Variants in CIT observed in about 807,000 individuals in gnomAD.
The protein encoded by CIT is citron rho-interacting serine/threonine kinase.
In CIT, 79 loss-of-function variants were observed where a neutral mutation model predicts 272.7. That is an observed-to-expected ratio of 0.29 (90% CI 0.24 to 0.35). The LOEUF (loss-of-function observed/expected upper bound fraction) is 0.35. CIT is among the 10% of genes least tolerant of loss of function. CIT has a pLI of 1.00. For synonymous variants in CIT, 948 were observed against 995.6 expected (o/e 0.95, Z 0.90); for missense variants, 1,909 against 2,618.3 (o/e 0.73, Z 5.91).
Position 119,713,601 on chromosome 12 carries a change from T to G in CIT, c.4354A>C (p.Thr1452Pro), listed in dbSNP as rs1593442207. 2 of 1,614,222 alleles carry G rather than the reference T, an allele frequency of 1.2e-6. No homozygotes were observed. The highest frequency in any genetic ancestry group is 2.7e-5 in the African/African-American group (2 of 75,050). The change falls in exon 34 of 48, where the codon ACC becomes CCC. Residue 1452 changes from threonine to proline, a missense_variant. Physicochemically the swap from Thr to Pro is conservative, Grantham distance 38 (BLOSUM62 -1). Around this residue, in one of 8 missense-constraint regions of CIT, gnomAD observed 780 missense variants for 1,067.2 expected, o/e 0.73. Transcript: ENST00000392521. This position sits in a 1 kb window ranked among gnomAD's most constrained non-coding sequence, Gnocchi z 5.2. ...HPKCSTCLPA[T>P]CGLPAEYATH... ...GCATATTCAGCAGGCAAGCCGCAGG[T>G]GGCTGGCAAGCACGTGGAGCACTTG...
rs1326687359 is a variant in CIT, at chr12:119,714,267, G to A, written c.4236C>T (p.Asn1412=). The A allele has an allele frequency of 6.2e-7, 1 of 1,614,140 alleles. No homozygotes were observed. Among genetic ancestry groups the A allele is most frequent in the South Asian group, 1.1e-5 (1 of 91,080 alleles). The part of the protein sequence containing the change: ...NIPHRFNVGL[N]MRATKCAVCL... ...ACACAGCACACTTTGTGGCTCGCATGTTCAGTCCTACGTTGAATCGGTGAG... is the reference window on the plus strand; with the variant it reads ...ACACAGCACACTTTGTGGCTCGCATATTCAGTCCTACGTTGAATCGGTGAG... Residue 1412 remains asparagine, a synonymous_variant, in exon 33 of 48, where the codon AAC becomes AAT. Transcript: ENST00000392521.
chr12:119,789,872 A>G (rs910537683), intron 10 of CIT, among the ~76,000 whole-genome samples: 4 of 141,708 alleles, frequency 2.8e-5, no homozygotes. Context: ...CGCCCAGCAA[A>G]TTTTTTTTTT....
intron 2 of CIT, among the ~76,000 whole-genome samples, chr12:119,873,059 A>G (rs1452296051): frequency 6.6e-6 from 1 of 151,822 alleles, no homozygotes; most frequent in Non-Finnish European, 1.5e-5. Context: ...CAGCCTCCCA[A>G]AGTACTGGGA....
chr12:119,776,269 C>G (rs1424405800), intron 15 of CIT, 89 bp downstream of exon 15: 1 of 967,052 alleles, frequency 1.0e-6, no homozygotes, highest in Non-Finnish European at 1.7e-6. Flanking sequence ...ATGAAGAATA[C>G]TCTTCATCAA....
intron 32 of CIT, among the ~76,000 whole-genome samples, chr12:119,717,547 A>C (rs1378511431): frequency 6.7e-6 from 1 of 149,970 alleles, no homozygotes; most frequent in Non-Finnish European, 1.5e-5. Context: ...TAGCCTCCCA[A>C]GTAGCTGGGA....
At chr12:119,835,510 C>T (rs1368358259) in intron 5 of CIT, among the ~76,000 whole-genome samples, 1 of 152,168 alleles carries the variant, frequency 6.6e-6, no homozygotes, top group Non-Finnish European at 1.5e-5. Context: ...TCCTGTCCTT[C>T]GCCCTGATTT....
Position 119,832,777 on chromosome 12 carries a change from G to C in CIT, c.747C>G (p.Asn249Lys), listed in dbSNP as rs746811982. The change falls in exon 7 of 48, where the codon AAC becomes AAG. Residue 249 changes from asparagine (N) to lysine (K), a missense_variant. Around this residue, in one of 8 missense-constraint regions of CIT, gnomAD observed 529 missense variants for 549.6 expected, o/e 0.96. Transcript: ENST00000392521. ...ATCTTATTCCATTTTTTACCATCTT[G>C]TTTGAATTCATTTTCGCGGCAGATC... ...DFGSAAKMNSNKMVNAKLPIG... is the reference protein window; with the variant it reads ...DFGSAAKMNSKKMVNAKLPIG... 2.5e-6 allele frequency: 4 copies of C among 1,612,142 alleles called. No individual in the cohort carries two copies. In the Admixed American group the frequency reaches 5.0e-5, roughly 20 times the overall value.
chr12:119,743,809 A>T lies in CIT; in HGVS notation c.2905-1345T>A, dbSNP rs75788318. 1.7e-3 allele frequency among the ~76,000 whole-genome samples: 253 copies of T among 152,272 alleles called. 1 individual carries two copies. Among genetic ancestry groups the T allele is most frequent in the African/African-American group, 5.6e-3 (234 of 41,550 alleles). On this transcript the variant is annotated intron_variant, in intron 23 of 47. Transcript: ENST00000392521. ...CAGTATATATACTCCCTTCTATTGG[A>T]TTGCAAGTAAAATGTATTCTGTGGG...
At chr12:119,734,933 G>A (rs1447883102) in intron 25 of CIT, among the ~76,000 whole-genome samples, 1 of 152,092 alleles carries the variant, frequency 6.6e-6, no homozygotes, top group Non-Finnish European at 1.5e-5. Flanking sequence ...TGACAGGGAA[G>A]AGCTGCCACA....
chr12:119,716,378 CAAAAAAAAAAAAAAAAAAA>C (rs35690078), intron 32 of CIT, among the ~76,000 whole-genome samples: 52 of 17,806 alleles, frequency 2.9e-3, no homozygotes, highest in African/African-American at 7.1e-3. Flanking sequence ...GACTCTGTCT[CAAAAAAAAAAAAAAAAAAA>C]AAAAAAAAAA....
chr12:119,692,610 C>T (rs1350822309), intron 46 of CIT, among the ~76,000 whole-genome samples: 1 of 152,214 alleles, frequency 6.6e-6, no homozygotes, highest in Non-Finnish European at 1.5e-5. Context: ...ACAGCTGCTT[C>T]CGCATGACCA....
Position 119,728,917 on chromosome 12 carries a change from G to A in CIT, c.3487-311C>T, listed in dbSNP as rs1958279759. Among the ~76,000 whole-genome samples, 1 of 152,176 alleles carries A rather than the reference G, an allele frequency of 6.6e-6. No homozygotes were observed. Among genetic ancestry groups the A allele is most frequent in the Non-Finnish European group, 1.5e-5 (1 of 68,048 alleles). On this transcript the variant is annotated intron_variant, in intron 27 of 47. Transcript: ENST00000392521. This position sits in a 1 kb window ranked among gnomAD's most constrained non-coding sequence, Gnocchi z 4.3. ...GAATTTAATTAAATAATCATACGCT[G>A]AATGCTTACTACCTGCATTATAGCT... is the stretch of plus-strand genomic sequence containing the variant.
chr12:119,723,885 A>G (rs895117533), intron 28 of CIT, among the ~76,000 whole-genome samples: 4 of 152,250 alleles, frequency 2.6e-5, no homozygotes, highest in Non-Finnish European at 5.9e-5. Context: ...AAAGATCCCA[A>G]TGTATTCAGT....
intron 10 of CIT, among the ~76,000 whole-genome samples, chr12:119,800,010 A>T (rs1489984226): frequency 2.6e-5 from 4 of 152,132 alleles, no homozygotes; most frequent in Non-Finnish European, 5.9e-5. Context: ...AACTTAAATG[A>T]GGCAGTGCCT....
In CIT at chr12:119,713,407, A is replaced by G. The variant is rs1304558522; in HGVS notation, c.4487+61T>C. On this transcript the variant is annotated intron_variant, in intron 34 of 47. Transcript: ENST00000392521. The surrounding 1 kb of genome is among the most constrained non-coding windows in gnomAD (Gnocchi z 5.2). ...TAGAAAAGACACTTCCCTAGAAAAC[A>G]TCAGGGACAGAGTGGCTTGTGCCAG... 1 of 1,594,630 alleles carries G rather than the reference A, an allele frequency of 6.3e-7. No homozygotes were observed. Among genetic ancestry groups the G allele is most frequent in the East Asian group, 2.2e-5 (1 of 44,782 alleles).
At chr12:119,854,234 G>T (rs1250945815) in intron 4 of CIT, among the ~76,000 whole-genome samples, 3 of 151,564 alleles carry the variant, frequency 2.0e-5, no homozygotes, top group Non-Finnish European at 2.9e-5. Context: ...CTCCATGTTG[G>T]TCAGGCTGGT....
chr12:119,838,471 C>T (rs966265656), intron 5 of CIT, among the ~76,000 whole-genome samples: 1 of 152,156 alleles, frequency 6.6e-6, no homozygotes, highest in Non-Finnish European at 1.5e-5. Context: ...CAGGGAATAA[C>T]CCCAGACTTC....
intron 32 of CIT, among the ~76,000 whole-genome samples, chr12:119,714,904 G>A (rs1326820336): frequency 6.6e-6 from 1 of 152,192 alleles, no homozygotes; most frequent in African/African-American, 2.4e-5. Flanking sequence ...CATAATTTAT[G>A]ACAACTACAA....
intron 3 of CIT, among the ~76,000 whole-genome samples, chr12:119,861,014 G>A (rs2138333502): frequency 6.6e-6 from 1 of 151,924 alleles, no homozygotes; most frequent in African/African-American, 2.4e-5. Context: ...CCAGCTACTC[G>A]GGAGGCTGAG....
Sources: allele counts gnomAD v4.1 joint callset (sites outside exome capture counted in the v4.1 genomes callset), GRCh38; gene constraint gnomAD v4.1.1; regional missense constraint gnomAD v4.1.1; non-coding constraint Gnocchi (gnomAD v3.1); transcripts MANE v1.5; gene names NCBI Gene and HGNC (gene_info 2026-07-23, HGNC 2026-07-21).